Variants in TLK1 observed in about 807,000 individuals in gnomAD.
TLK1 encodes tousled like kinase 1, also known as serine/threonine-protein kinase tousled-like 1.
A neutral mutation model predicts 105.3 loss-of-function variants in TLK1; 24 were observed. The ratio of observed to expected loss-of-function variants is 0.23; its 90% CI spans 0.17 to 0.32. TLK1 has a LOEUF of 0.32. Ranked by LOEUF, TLK1 falls within the 10% of genes least tolerant of loss-of-function variation. The pLI is 1.00. For synonymous variants in TLK1, 321 were observed against 310.4 expected, an observed-to-expected ratio of 1.03 and a Z score of -0.36; for missense variants, 558 against 910.5, an observed-to-expected ratio of 0.61 and a Z score of 4.98.
chr2:171,037,530 T>G (rs998512558), intron 11 of TLK1, among the ~76,000 whole-genome samples: 1 of 152,130 alleles, frequency 6.6e-6, no homozygotes, highest in Non-Finnish European at 1.5e-5. Flanking sequence ...AACTGCAGAT[T>G]AAGGAAGTAT....
At chr2:171,151,026 T>TC (rs1370308612) in intron 1 of TLK1, among the ~76,000 whole-genome samples, 3 of 151,868 alleles carry the variant, frequency 2.0e-5, no homozygotes, top group East Asian at 1.9e-4. Flanking sequence ...CTGGGTACAT[T>TC]CCTTTTTTTT....
At chr2:171,055,615 C>T (rs371335860) in intron 6 of TLK1, among the ~76,000 whole-genome samples, 1 of 152,140 alleles carries the variant, frequency 6.6e-6, no homozygotes, top group African/African-American at 2.4e-5. Flanking sequence ...TATCTGGTCA[C>T]TAGTTCAAAA....
intron 12 of TLK1, chr2:171,023,168 C>T: frequency 4.2e-6 from 2 of 470,884 alleles, no homozygotes; most frequent in Non-Finnish European, 8.8e-6. Context: ...AATGCCACAT[C>T]GCAAGGAGCA....
At chr2:171,144,176 A>C (rs1188645578) in intron 1 of TLK1, among the ~76,000 whole-genome samples, 1 of 152,230 alleles carries the variant, frequency 6.6e-6, no homozygotes, top group Non-Finnish European at 1.5e-5. Context: ...CCCAAATTAC[A>C]TGAAGCAAAA....
At chr2:171,166,559 T>C (rs1431072251) in intron 1 of TLK1, among the ~76,000 whole-genome samples, 1 of 152,270 alleles carries the variant, frequency 6.6e-6, no homozygotes, top group Non-Finnish European at 1.5e-5. Context: ...ATATTTATCC[T>C]AAAATGTTTT....
At chr2:171,196,393 A>G (rs373157477) in intron 1 of TLK1, among the ~76,000 whole-genome samples, 1 of 152,204 alleles carries the variant, frequency 6.6e-6, no homozygotes, top group East Asian at 1.9e-4. Context: ...TTGGGATTAC[A>G]GGCGTGAGCC....
At chr2:171,161,531 A>T (rs1251514333), upstream of TLK1, among the ~76,000 whole-genome samples, 1 of 152,128 alleles carries the variant, frequency 6.6e-6, no homozygotes, top group East Asian at 1.9e-4. Flanking sequence ...TGTTTTCTAA[A>T]AAAGAGTGAA....
chr2:171,154,952 G>A (rs767580687), intron 1 of TLK1, among the ~76,000 whole-genome samples: 3 of 152,004 alleles, frequency 2.0e-5, no homozygotes, highest in Non-Finnish European at 4.4e-5. Flanking sequence ...TCACAGAAGA[G>A]ATTATGTGCC....
At chr2:171,100,055 C>T (rs1689623006) in intron 2 of TLK1, among the ~76,000 whole-genome samples, 1 of 152,098 alleles carries the variant, frequency 6.6e-6, no homozygotes, top group South Asian at 2.1e-4. Flanking sequence ...TCTTATGACT[C>T]AAGATTTAAG....
In TLK1 at chr2:171,053,800, G is replaced by A; in HGVS notation, c.693C>T (p.Asp231=). 6.2e-7 allele frequency: 1 copy of A among 1,609,358 alleles called. No individual in the cohort carries two copies. Among genetic ancestry groups the A allele is most frequent in the Non-Finnish European group, 8.5e-7 (1 of 1,177,892 alleles). Reference sequence around the variant, plus strand: ...CTATACGTCCCTCCTTCTTTTCCAGGTCCTGGATTTTATTACTTTCTAATG... The same window carrying A: ...CTATACGTCCCTCCTTCTTTTCCAGATCCTGGATTTTATTACTTTCTAATG... The part of the protein sequence containing the change: ...LAALESNKIQ[D]LEKKEGRIDD... Residue 231 remains aspartate (D), a synonymous_variant, in exon 8 of 21, where the codon GAC becomes GAT. Transcript: ENST00000431350.
intron 1 of TLK1, among the ~76,000 whole-genome samples, chr2:171,221,594 G>A (rs1369070776): frequency 6.6e-6 from 1 of 152,188 alleles, no homozygotes; most frequent in African/African-American, 2.4e-5. Context: ...CGTGGCTGAT[G>A]CATATTTCTC....
chr2:171,085,525 C>A (rs1195948596), intron 2 of TLK1, among the ~76,000 whole-genome samples: 1 of 151,960 alleles, frequency 6.6e-6, no homozygotes, highest in African/African-American at 2.4e-5. Context: ...GGAATAACAA[C>A]CCAGAAAGCG....
At chr2:171,063,910 T>C (rs1687870959) in intron 3 of TLK1, among the ~76,000 whole-genome samples, 1 of 152,228 alleles carries the variant, frequency 6.6e-6, no homozygotes, top group Non-Finnish European at 1.5e-5. Flanking sequence ...AATACTTCAC[T>C]GGATATGCAC....
intron 3 of TLK1, among the ~76,000 whole-genome samples, chr2:171,074,626 CAA>C (rs372844435): frequency 0.065 from 5,870 of 89,894 alleles, 214 homozygotes; most frequent in African/African-American, 0.19. Flanking sequence ...GACTCTGCCT[CAA>C]AAAAAAAAAA....
At chr2:171,216,448 C>G (rs1693715425) in intron 1 of TLK1, among the ~76,000 whole-genome samples, 1 of 152,066 alleles carries the variant, frequency 6.6e-6, no homozygotes, top group Non-Finnish European at 1.5e-5. Flanking sequence ...TGCACTCCAG[C>G]CTGGGCGACA....
intron 12 of TLK1, among the ~76,000 whole-genome samples, chr2:171,025,557 C>T (rs1028187002): frequency 2.6e-5 from 4 of 152,070 alleles, no homozygotes; most frequent in Admixed American, 6.6e-5. Flanking sequence ...ATACAAGGGG[C>T]GTCAAATATT....
In TLK1 at chr2:171,160,483, G is replaced by A. The variant is rs1692441825; in HGVS notation, c.-55C>T. ...CCCTGCGACGGCAGCGGCGGCAACG[G>A]CACCGGCACCCGCCTCCGTCATGGC... On this transcript the variant is annotated 5_prime_UTR_variant, in exon 1 of 21. Coordinates refer to ENST00000431350, the MANE Select transcript of TLK1 (RefSeq NM_012290.5). The surrounding 1 kb of genome is among the most constrained non-coding windows in gnomAD (Gnocchi z 4.4). 2.5e-6 allele frequency: 4 copies of A among 1,569,202 alleles called. No homozygotes were observed. The South Asian group carries it at 4.6e-5, about 18-fold the overall frequency.
intron 10 of TLK1, among the ~76,000 whole-genome samples, chr2:171,049,581 G>A (rs12998296): frequency 0.22 from 33,137 of 151,796 alleles, 4,065 homozygotes; most frequent in Non-Finnish European, 0.28. Context: ...TTAATATCTC[G>A]GAAAGTCAGA....
intron 6 of TLK1, among the ~76,000 whole-genome samples, chr2:171,055,633 C>G (rs1687465864): frequency 6.6e-6 from 1 of 152,022 alleles, no homozygotes; most frequent in South Asian, 2.1e-4. Flanking sequence ...AAAAGACACT[C>G]ACTGAAAGCA....
Sources: gnomAD v4.1 joint callset for allele counts (sites outside exome capture counted in the v4.1 genomes callset) on GRCh38, gnomAD v4.1.1 for gene constraint, Gnocchi (gnomAD v3.1) non-coding constraint, MANE v1.5 for transcripts, NCBI Gene and HGNC (gene_info 2026-07-23, HGNC 2026-07-21) for gene names.